Variants in FBXO36 observed in about 807,000 individuals in gnomAD.
FBXO36 encodes F-box protein 36.
FBXO36 carries 18 observed loss-of-function variants against 17.0 expected under a neutral mutation model. The ratio of observed to expected loss-of-function variants is 1.06; its 90% CI spans 0.73 to 1.57. FBXO36 has a LOEUF of 1.57. Ranked by LOEUF, FBXO36 falls within the 40% of genes most tolerant of loss-of-function variation. The pLI is 0.00. For missense variants in FBXO36, 229 were observed against 221.9 expected (o/e 1.03, Z -0.20); for synonymous variants, 83 against 85.3 (o/e 0.97, Z 0.15).
chr2:230,005,434 C>T (rs73105424), intron 3 of FBXO36, among the ~76,000 whole-genome samples: 32,598 of 151,870 alleles, frequency 0.21, 3,579 homozygotes, highest in Admixed American at 0.26. Context: ...TTTTGTTTAC[C>T]CTCTGTATTT....
At chr2:229,995,270 C>G (rs2077319182) in intron 2 of FBXO36, among the ~76,000 whole-genome samples, 1 of 152,156 alleles carries the variant, frequency 6.6e-6, no homozygotes, top group African/African-American at 2.4e-5. Context: ...TCTATCCTTC[C>G]AAACAAGTTT....
chr2:229,948,032 C>T (rs1359277792), intron 1 of FBXO36, among the ~76,000 whole-genome samples: 1 of 151,968 alleles, frequency 6.6e-6, no homozygotes, highest in Non-Finnish European at 1.5e-5. Flanking sequence ...GGTGTGGTGG[C>T]TCACGCCATT....
intron 3 of FBXO36, among the ~76,000 whole-genome samples, chr2:230,009,405 G>A (rs988152239): frequency 6.6e-6 from 1 of 152,342 alleles, no homozygotes; most frequent in African/African-American, 2.4e-5. Flanking sequence ...ACTTTGCTTA[G>A]GATAACAGCC....
intron 1 of FBXO36, among the ~76,000 whole-genome samples, chr2:229,949,812 C>T (rs2077047727): frequency 6.6e-6 from 1 of 152,244 alleles, no homozygotes; most frequent in East Asian, 1.9e-4. Flanking sequence ...GTAGTCCCAG[C>T]TACTCGGGAG....
intron 2 of FBXO36, among the ~76,000 whole-genome samples, chr2:229,982,226 C>A (rs949262238): frequency 1.3e-5 from 2 of 151,842 alleles, no homozygotes; most frequent in Non-Finnish European, 2.9e-5. Context: ...GGGTTTCACT[C>A]TGTTGTCCAG....
intron 1 of FBXO36, among the ~76,000 whole-genome samples, chr2:229,966,756 C>T (rs920600243): frequency 1.3e-5 from 2 of 152,136 alleles, no homozygotes; most frequent in Non-Finnish European, 2.9e-5. Context: ...GTTTTGGTAC[C>T]AGTACCATGC....
chr2:229,925,503 G>A (rs2076907728), intron 1 of FBXO36, among the ~76,000 whole-genome samples: 1 of 152,048 alleles, frequency 6.6e-6, no homozygotes, highest in African/African-American at 2.4e-5. Flanking sequence ...TTTCTGGAAT[G>A]ACTTTCTAAA....
intron 1 of FBXO36, among the ~76,000 whole-genome samples, chr2:229,975,130 T>C (rs1018682398): frequency 3.3e-5 from 5 of 152,166 alleles, no homozygotes; most frequent in Non-Finnish European, 7.3e-5. Context: ...TCCATAACCA[T>C]GGAAATGAAG....
At chr2:229,962,522 T>TATTTTATTTTATTTTATTTTATTTA (rs1560442110) in intron 1 of FBXO36, among the ~76,000 whole-genome samples, 1 of 148,808 alleles carries the variant, frequency 6.7e-6, no homozygotes, top group African/African-American at 2.5e-5. Flanking sequence ...TATTTTATTT[T>TATTTTATTTTATTTTATTTTATTTA]ATTTTATTTT....
At chr2:229,959,652 T>C (rs1272155800) in intron 1 of FBXO36, among the ~76,000 whole-genome samples, 1 of 152,126 alleles carries the variant, frequency 6.6e-6, no homozygotes, top group African/African-American at 2.4e-5. Flanking sequence ...GAGACCATCC[T>C]GGCTAACATG....
intron 3 of FBXO36, among the ~76,000 whole-genome samples, chr2:230,000,176 A>G (rs2077350706): frequency 6.6e-6 from 1 of 151,708 alleles, no homozygotes; most frequent in Admixed American, 6.6e-5. Context: ...TGGCCAACAT[A>G]GGGAAACCAC....
intron 1 of FBXO36, among the ~76,000 whole-genome samples, chr2:229,924,874 T>TTCTCC (rs2076899604): frequency 6.6e-6 from 1 of 152,006 alleles, no homozygotes; most frequent in African/African-American, 2.4e-5. Flanking sequence ...GTTCACACCA[T>TTCTCC]TCTCCTACCT....
Position 230,007,098 on chromosome 2 carries a change from C to T in FBXO36, c.379-3598C>T, listed in dbSNP as rs536572082. On this transcript the variant is annotated intron_variant, in intron 3 of 3. Transcript: ENST00000283946. Reference sequence around the variant, plus strand: ...ACACCTGTCAGGGTGGGGCCAGTCTCGGACTGAGACAAGTTCACCAAGGTG... The same window carrying T: ...ACACCTGTCAGGGTGGGGCCAGTCTTGGACTGAGACAAGTTCACCAAGGTG... Among the ~76,000 whole-genome samples the T allele has an allele frequency of 4.6e-5, 7 of 152,380 alleles. No homozygotes were observed. The East Asian group carries it at 7.7e-4, about 17-fold the overall frequency.
At chr2:229,998,402 C>G (rs2077338766) in intron 3 of FBXO36, among the ~76,000 whole-genome samples, 1 of 152,110 alleles carries the variant, frequency 6.6e-6, no homozygotes, top group Non-Finnish European at 1.5e-5. Context: ...GCGGTTGGAT[C>G]ACCTGAGGTT....
rs1489327204 is a variant in FBXO36, at chr2:229,969,556, C to T, written c.97-6685C>T. Among the ~76,000 whole-genome samples the T allele has an allele frequency of 7.2e-5, 11 of 152,094 alleles. No homozygotes were observed. In the South Asian group the frequency reaches 2.3e-3, roughly 32 times the overall value. Reference sequence around the variant, plus strand: ...ACAAAAAATTAGCCGGGCGTGGTGGCACATGCCTGTAGTCCCAGCTACTCA... The same window carrying T: ...ACAAAAAATTAGCCGGGCGTGGTGGTACATGCCTGTAGTCCCAGCTACTCA... On this transcript the variant is annotated intron_variant, in intron 1 of 3. Coordinates refer to ENST00000283946, the MANE Select transcript of FBXO36 (RefSeq NM_174899.5).
intron 2 of FBXO36, among the ~76,000 whole-genome samples, chr2:229,984,881 T>C (rs2077260448): frequency 6.6e-6 from 1 of 152,198 alleles, no homozygotes; most frequent in African/African-American, 2.4e-5. Flanking sequence ...AGGTACATGC[T>C]GGGACATCTA....
In FBXO36 at chr2:229,974,636, G is replaced by A. The variant is rs1035255263; in HGVS notation, c.97-1605G>A. On this transcript the variant is annotated intron_variant, in intron 1 of 3. Transcript: ENST00000283946. ...ATTTCTGGAGCGGTGCCCTGGGCTC[G>A]ATCTCCATTTTTTCCGGAATCCCCC... Among the ~76,000 whole-genome samples the A allele has an allele frequency of 3.3e-5, 5 of 152,090 alleles. No individual in the cohort carries two copies. In the East Asian group the frequency reaches 7.7e-4, roughly 23 times the overall value.
intron 1 of FBXO36, among the ~76,000 whole-genome samples, chr2:229,948,683 G>C (rs1400603652): frequency 6.6e-6 from 1 of 152,100 alleles, no homozygotes; most frequent in Non-Finnish European, 1.5e-5. Flanking sequence ...CCTTCCTACT[G>C]TCTAGAATGC....
chr2:229,966,417 C>A (rs1291332332), intron 1 of FBXO36, among the ~76,000 whole-genome samples: 2 of 152,132 alleles, frequency 1.3e-5, no homozygotes, highest in African/African-American at 4.8e-5. Flanking sequence ...GCTTTTGTTG[C>A]CATTGCTTTT....
Sources: allele counts gnomAD v4.1 joint callset (sites outside exome capture counted in the v4.1 genomes callset), GRCh38; gene constraint gnomAD v4.1.1; transcripts MANE v1.5; gene names NCBI Gene and HGNC (gene_info 2026-07-23, HGNC 2026-07-21).